Variants in IGFL2 observed in about 807,000 individuals in gnomAD.
IGFL2 encodes IGF like family member 2, also known as insulin growth factor-like family member 2.
A neutral mutation model predicts 13.9 loss-of-function variants in IGFL2; 7 were observed. The ratio of observed to expected loss-of-function variants is 0.51; its 90% CI spans 0.29 to 0.95. IGFL2 has a LOEUF of 0.95. IGFL2 is among the 40% of genes least tolerant of loss of function. IGFL2 has a pLI of 0.08. For synonymous variants in IGFL2, 55 were observed against 55.8 expected, an observed-to-expected ratio of 0.99 and a Z score of 0.07; for missense variants, 138 against 147.8, an observed-to-expected ratio of 0.93 and a Z score of 0.34.
At chr19:46,141,855 C>G (rs759344880), upstream of IGFL2, among the ~76,000 whole-genome samples, 1 of 152,134 alleles carries the variant, frequency 6.6e-6, no homozygotes, top group Non-Finnish European at 1.5e-5. Flanking sequence ...CCGAATTCAC[C>G]CTAAATTATC....
the IGFL2 span, among the ~76,000 whole-genome samples, chr19:46,173,331 G>T: frequency 6.6e-6 from 1 of 152,154 alleles, no homozygotes; most frequent in Admixed American, 6.5e-5. Context: ...AAGCACTATC[G>T]TATCCTCATG....
chr19:46,198,076 CTTCCT>C, the IGFL2 span: 1 of 136,006 alleles, frequency 7.4e-6, no homozygotes, highest in African/African-American at 2.9e-5. Flanking sequence ...TCCTTCCTTC[CTTCCT>C]TCCTTTCTTT....
the IGFL2 span, among the ~76,000 whole-genome samples, chr19:46,171,879 T>C: frequency 1.3e-5 from 2 of 152,140 alleles, no homozygotes; most frequent in African/African-American, 4.8e-5. Context: ...GAATGAAAAG[T>C]GGGTGCCGTA....
At chr19:46,180,261 C>G in the IGFL2 span, among the ~76,000 whole-genome samples, 1 of 151,624 alleles carries the variant, frequency 6.6e-6, no homozygotes, top group African/African-American at 2.4e-5. Context: ...TCACTGCAAC[C>G]TCCACCTCCC....
chr19:46,094,631 T>C, the IGFL2 span, among the ~76,000 whole-genome samples: 1 of 152,130 alleles, frequency 6.6e-6, no homozygotes, highest in Non-Finnish European at 1.5e-5. Flanking sequence ...ACCCATCACC[T>C]AGTATTAAGC....
chr19:46,201,509 G>T, the IGFL2 span, among the ~76,000 whole-genome samples: 2 of 152,220 alleles, frequency 1.3e-5, no homozygotes, highest in African/African-American at 4.8e-5. Context: ...ACCACTGTGG[G>T]CTCCCAAGCC....
At chr19:46,172,257 A>G in the IGFL2 span, among the ~76,000 whole-genome samples, 2,129 of 152,308 alleles carry the variant, frequency 0.014, 54 homozygotes, top group African/African-American at 0.048. Flanking sequence ...TTACTACACA[A>G]TCGGCAGAAG....
At chr19:46,197,523 G>A in the IGFL2 span, among the ~76,000 whole-genome samples, 3 of 152,002 alleles carry the variant, frequency 2.0e-5, no homozygotes, top group African/African-American at 7.3e-5. Context: ...GCACTGTTCA[G>A]TCTCTCCCCC....
the IGFL2 span, among the ~76,000 whole-genome samples, chr19:46,205,174 C>A: frequency 6.6e-6 from 1 of 152,120 alleles, no homozygotes; most frequent in Non-Finnish European, 1.5e-5. Context: ...GTAAGAAAGT[C>A]CTTGGTAAGG....
At chr19:46,082,128 G>A in the IGFL2 span, among the ~76,000 whole-genome samples, 1 of 152,142 alleles carries the variant, frequency 6.6e-6, no homozygotes, top group Non-Finnish European at 1.5e-5. Context: ...TCCTTGGTTA[G>A]CAGGCCAGTC....
the IGFL2 span, among the ~76,000 whole-genome samples, chr19:46,096,243 G>A: frequency 7.9e-5 from 12 of 152,210 alleles, no homozygotes; most frequent in African/African-American, 2.6e-4. Context: ...CACATCCCTT[G>A]TTAGCTGTAT....
At chr19:46,105,700 C>T in the IGFL2 span, among the ~76,000 whole-genome samples, 1 of 152,082 alleles carries the variant, frequency 6.6e-6, no homozygotes, top group Non-Finnish European at 1.5e-5. Flanking sequence ...GTTATGAGAA[C>T]TGTAGGGAGT....
At chr19:46,092,938 C>T in the IGFL2 span, among the ~76,000 whole-genome samples, 1 of 152,068 alleles carries the variant, frequency 6.6e-6, no homozygotes, top group African/African-American at 2.4e-5. Context: ...ACAAGGTAGC[C>T]TTAACCAGAA....
At chr19:46,128,178 C>T in the IGFL2 span, among the ~76,000 whole-genome samples, 1 of 152,074 alleles carries the variant, frequency 6.6e-6, no homozygotes, top group South Asian at 2.1e-4. Flanking sequence ...AAAAAATGTA[C>T]ATTTGTACAT....
At chr19:46,188,993 G>A in the IGFL2 span, among the ~76,000 whole-genome samples, 9 of 152,152 alleles carry the variant, frequency 5.9e-5, no homozygotes, top group Admixed American at 2.0e-4. Context: ...GTGCGGAGAC[G>A]AGAGATCATA....
chr19:46,148,969 C>G (rs1400893784), intron 1 of IGFL2: 1 of 1,588,212 alleles, frequency 6.3e-7, no homozygotes, highest in Admixed American at 1.8e-5. Context: ...TTCCTGGGCT[C>G]TCAGCGCCAG....
chr19:46,194,830 T>TTA, the IGFL2 span, among the ~76,000 whole-genome samples: 140 of 46,778 alleles, frequency 3.0e-3, 4 homozygotes, highest in East Asian at 0.017. Context: ...CTTCCTCATT[T>TTA]TATATATATA....
chr19:46,146,680 T>C (rs1259697453), upstream of IGFL2, among the ~76,000 whole-genome samples: 1 of 152,128 alleles, frequency 6.6e-6, no homozygotes, highest in Non-Finnish European at 1.5e-5. Context: ...ACCAGTTCAG[T>C]TTTTGGGGAG....
the IGFL2 span, among the ~76,000 whole-genome samples, chr19:46,194,549 C>T: frequency 2.6e-5 from 4 of 152,074 alleles, no homozygotes; most frequent in African/African-American, 2.4e-5. Context: ...GGGCCGGACA[C>T]GGTGGCTCAC....
Sources: allele counts gnomAD v4.1 joint callset (sites outside exome capture counted in the v4.1 genomes callset), GRCh38; gene constraint gnomAD v4.1.1; transcripts MANE v1.5; gene names NCBI Gene and HGNC (gene_info 2026-07-23, HGNC 2026-07-21).